Variants in SPOCK3 observed in about 807,000 individuals in gnomAD.
SPOCK3 encodes the protein SPARC (osteonectin), cwcv and kazal like domains proteoglycan 3.
In SPOCK3, 30 loss-of-function variants were observed where a neutral mutation model predicts 56.6. The observed-to-expected ratio is 0.53, with a 90% CI of 0.40 to 0.72. SPOCK3 has a LOEUF of 0.72. SPOCK3 is among the 30% of genes least tolerant of loss of function. SPOCK3 has a pLI of 0.00. For missense variants in SPOCK3, 527 were observed against 530.0 expected, an observed-to-expected ratio of 0.99 and a Z score of 0.06; for synonymous variants, 196 against 183.3, an observed-to-expected ratio of 1.07 and a Z score of -0.56.
intron 3 of SPOCK3, among the ~76,000 whole-genome samples, chr4:167,050,906 G>A (rs1426114382): frequency 6.6e-6 from 1 of 152,066 alleles, no homozygotes; most frequent in African/African-American, 2.4e-5. Context: ...AGAGAGAAAG[G>A]AGAGTTATTG....
chr4:167,087,420 TG>T (rs1758297972), intron 2 of SPOCK3, among the ~76,000 whole-genome samples: 1 of 152,188 alleles, frequency 6.6e-6, no homozygotes, highest in African/African-American at 2.4e-5. Context: ...TTCTGACATT[TG>T]TAACAAATAT....
chr4:166,832,884 A>C (rs1489226745), intron 6 of SPOCK3, among the ~76,000 whole-genome samples: 1 of 152,110 alleles, frequency 6.6e-6, no homozygotes, highest in Non-Finnish European at 1.5e-5. Context: ...GGCAACAATA[A>C]ATTCTGGGTC....
At chr4:166,856,496 C>T (rs766969080) in intron 6 of SPOCK3, among the ~76,000 whole-genome samples, 2 of 152,062 alleles carry the variant, frequency 1.3e-5, no homozygotes, top group Non-Finnish European at 2.9e-5. Context: ...ATACAGTCGG[C>T]CAGGCACGGT....
At chr4:166,793,794 A>T (rs1196904567) in intron 6 of SPOCK3, among the ~76,000 whole-genome samples, 1 of 152,184 alleles carries the variant, frequency 6.6e-6, no homozygotes, top group Non-Finnish European at 1.5e-5. Context: ...AGCAACATAA[A>T]AATTATTTCA....
chr4:167,002,122 A>C (rs1318718673), intron 3 of SPOCK3, among the ~76,000 whole-genome samples: 1 of 151,556 alleles, frequency 6.6e-6, no homozygotes, highest in African/African-American at 2.4e-5. Context: ...CCATGCCCAG[A>C]TAATTTTTGT....
At chr4:167,195,062 C>A (rs774590150) in intron 2 of SPOCK3, among the ~76,000 whole-genome samples, 12 of 152,126 alleles carry the variant, frequency 7.9e-5, no homozygotes, top group Non-Finnish European at 1.5e-4. Context: ...GTGAGTCCTG[C>A]TGGGTTCCAG....
intron 3 of SPOCK3, among the ~76,000 whole-genome samples, chr4:167,054,089 C>T (rs1221086325): frequency 6.6e-6 from 1 of 152,092 alleles, no homozygotes; most frequent in African/African-American, 2.4e-5. Flanking sequence ...AAATCTTTCA[C>T]CTTAGGACAC....
chr4:166,814,648 C>G (rs1427408138), intron 6 of SPOCK3, among the ~76,000 whole-genome samples: 3 of 152,088 alleles, frequency 2.0e-5, no homozygotes, highest in Non-Finnish European at 4.4e-5. Context: ...GTTGGGGGCT[C>G]TCAGGCCTTT....
intron 2 of SPOCK3, among the ~76,000 whole-genome samples, chr4:167,164,436 T>C (rs1048255152): frequency 1.3e-4 from 20 of 152,248 alleles, no homozygotes; most frequent in African/African-American, 4.8e-4. Flanking sequence ...TTCTTTTTTT[T>C]AATTTTACTT....
chr4:167,171,907 C>T (rs1015411405), intron 2 of SPOCK3, among the ~76,000 whole-genome samples: 1 of 151,082 alleles, frequency 6.6e-6, no homozygotes, highest in East Asian at 2.0e-4. Context: ...ATTACCACCC[C>T]CCACTCCCCC....
chr4:166,948,532 T>A (rs934967948), intron 4 of SPOCK3, among the ~76,000 whole-genome samples: 1 of 152,182 alleles, frequency 6.6e-6, no homozygotes, highest in Admixed American at 6.5e-5. Flanking sequence ...TTTTTTTTTA[T>A]CTTCTGACTA....
At chr4:166,926,174 A>G (rs959993145) in intron 4 of SPOCK3, among the ~76,000 whole-genome samples, 20 of 144,938 alleles carry the variant, frequency 1.4e-4, no homozygotes, top group Admixed American at 7.6e-4. Flanking sequence ...TAAATTTTAC[A>G]AGCCCTTTGA....
At chr4:166,894,339 G>A (rs1311858175) in intron 5 of SPOCK3, among the ~76,000 whole-genome samples, 1 of 152,116 alleles carries the variant, frequency 6.6e-6, no homozygotes, top group Non-Finnish European at 1.5e-5. Context: ...AATTCAGTCA[G>A]AGGGAAGAGA....
At chr4:166,747,958 A>G (rs534227580) in intron 8 of SPOCK3, among the ~76,000 whole-genome samples, 10 of 152,240 alleles carry the variant, frequency 6.6e-5, no homozygotes, top group Admixed American at 3.3e-4. Flanking sequence ...AAGGAGAACT[A>G]CAAACCACTG....
intron 4 of SPOCK3, among the ~76,000 whole-genome samples, chr4:166,939,887 A>G (rs1740856679): frequency 6.6e-6 from 1 of 152,254 alleles, no homozygotes. Flanking sequence ...TTGGTACTAG[A>G]AATATAAAAT....
intron 2 of SPOCK3, among the ~76,000 whole-genome samples, chr4:167,165,318 A>G (rs1260807063): frequency 1.3e-5 from 2 of 152,192 alleles, no homozygotes; most frequent in East Asian, 3.9e-4. Flanking sequence ...CTCATCTGAC[A>G]AAGATGTAAT....
intron 4 of SPOCK3, among the ~76,000 whole-genome samples, chr4:166,997,658 T>C (rs920350483): frequency 1.3e-5 from 2 of 152,098 alleles, no homozygotes; most frequent in Admixed American, 1.3e-4. Flanking sequence ...GCTCAGTCAG[T>C]CGAAGGAGAT....
intron 2 of SPOCK3, among the ~76,000 whole-genome samples, chr4:167,116,598 A>ATATACTATATACGTATATATATACG (rs1554038914): frequency 0.038 from 3,434 of 89,636 alleles, 193 homozygotes; most frequent in African/African-American, 0.13. Context: ...ATATATATAC[A>ATATACTATATACGTATATATATACG]TATATACTAT....
At chr4:166,981,711 C>T (rs899879193) in intron 4 of SPOCK3, among the ~76,000 whole-genome samples, 4 of 152,214 alleles carry the variant, frequency 2.6e-5, no homozygotes, top group African/African-American at 4.8e-5. Context: ...GCTTGAAAGA[C>T]GGGTTTCACC....
Sources: gnomAD v4.1 joint callset for allele counts (sites outside exome capture counted in the v4.1 genomes callset) on GRCh38, gnomAD v4.1.1 for gene constraint, MANE v1.5 for transcripts, NCBI Gene and HGNC (gene_info 2026-07-23, HGNC 2026-07-21) for gene names.